The following DNMT3A variants were observed in gnomAD, a reference collection of about 807,000 sequenced individuals.
DNMT3A encodes DNA (cytosine-5)-methyltransferase 3A.
DNMT3A carries 267 observed loss-of-function variants against 117.6 expected under a neutral mutation model. The observed-to-expected ratio is 2.27, with a 90% CI of 2.05 to 2.51. DNMT3A has a LOEUF of 2.51. Ranked by LOEUF, DNMT3A falls within the 30% of genes most tolerant of loss-of-function variation. DNMT3A has a pLI of 0.00. For synonymous variants in DNMT3A, 432 were observed against 474.8 expected, an observed-to-expected ratio of 0.91 and a Z score of 1.17; for missense variants, 1,029 against 1,260.2, an observed-to-expected ratio of 0.82 and a Z score of 2.78.
intron 20 of DNMT3A, among the ~76,000 whole-genome samples, chr2:25,238,719 G>A (rs1050962440): frequency 1.3e-5 from 2 of 152,162 alleles, no homozygotes; most frequent in Non-Finnish European, 2.9e-5. Flanking sequence ...TGCAGCCGCT[G>A]CAAGATTCCC....
At chr2:25,313,360 G>C (rs949465503) in intron 2 of DNMT3A, among the ~76,000 whole-genome samples, 25 of 142,898 alleles carry the variant, frequency 1.7e-4, no homozygotes, top group African/African-American at 6.0e-4. Flanking sequence ...AGTCTGGGGT[G>C]GGGGGCGGGG....
intron 6 of DNMT3A, among the ~76,000 whole-genome samples, chr2:25,255,011 C>T (rs1421675252): frequency 6.6e-6 from 1 of 152,226 alleles, no homozygotes; most frequent in Non-Finnish European, 1.5e-5. Context: ...ACCTCTTCCA[C>T]ACAACTTCCC....
rs1027687458 is a variant in DNMT3A at position 25,304,084 on chromosome 2, G to A, written c.73-3841C>T. Among the ~76,000 whole-genome samples the A allele has an allele frequency of 3.3e-5, 5 of 152,160 alleles. No homozygotes were observed. Among genetic ancestry groups the A allele is most frequent in the African/African-American group, 7.2e-5 (3 of 41,432 alleles). On this transcript the variant is annotated intron_variant, in intron 2 of 22. Transcript: ENST00000321117. The surrounding 1 kb of genome is among the most constrained non-coding windows in gnomAD (Gnocchi z 4.3). The stretch of plus-strand genomic sequence containing the variant: ...GCTGAAGAACAGTAACACAGTTCGC[G>A]GGAACAGATTTGAGCCCAGGTTGGT...
chr2:25,246,511 G>C lies in DNMT3A; in HGVS notation c.1279+109C>G, dbSNP rs1208377061. 3 of 1,492,654 alleles carry C rather than the reference G, an allele frequency of 2.0e-6. No individual in the cohort carries two copies. The Admixed American group carries it at 6.8e-5, about 34-fold the overall frequency. The allele number at this position is 1,492,654 out of a possible 1,614,324, so 92.5% of individuals were successfully genotyped here. A position where few individuals can be genotyped will look rare whatever the true frequency, so the allele number is the denominator to read the frequency against. ...AGAGAGACCCCGGCTGTTCCCACTG[G>C]GCCCCTCTGTGGAGGCCTTGGCAGC... On this transcript the variant is annotated intron_variant, in intron 10 of 22. Coordinates refer to ENST00000321117, the MANE Select transcript of DNMT3A (RefSeq NM_022552.5).
chr2:25,247,839 TG>T lies in DNMT3A; in HGVS notation c.856-91del. On this transcript the variant is annotated intron_variant, in intron 7 of 22. Transcript: ENST00000321117. This position sits in a 1 kb window ranked among gnomAD's most constrained non-coding sequence, Gnocchi z 5.6. ...CATGGCAACCCCAGCCCTGGGCATCTGGGGGGCAGGACAGCCAGGAGGGAGC... is the reference window on the plus strand; with the variant it reads ...CATGGCAACCCCAGCCCTGGGCATCTGGGGGCAGGACAGCCAGGAGGGAGC... 2 of 1,562,572 alleles carry T rather than the reference TG, an allele frequency of 1.3e-6. No homozygotes were observed. Among genetic ancestry groups the T allele is most frequent in the East Asian group, 2.3e-5 (1 of 42,962 alleles).
intron 1 of DNMT3A, among the ~76,000 whole-genome samples, chr2:25,319,467 A>G (rs2034511182): frequency 6.6e-6 from 1 of 152,192 alleles, no homozygotes; most frequent in Non-Finnish European, 1.5e-5. Context: ...AGACATCTTC[A>G]GACATATGAG....
At chr2:25,321,212 G>C (rs2034585360) in intron 1 of DNMT3A, among the ~76,000 whole-genome samples, 1 of 151,784 alleles carries the variant, frequency 6.6e-6, no homozygotes, top group Non-Finnish European at 1.5e-5. Context: ...CTAAACTCAA[G>C]ATGTTGGCAG....
At chr2:25,265,265 G>A (rs973993601) in intron 6 of DNMT3A, among the ~76,000 whole-genome samples, 9 of 152,228 alleles carry the variant, frequency 5.9e-5, no homozygotes, top group South Asian at 2.1e-4. Flanking sequence ...GGCCGGGGGC[G>A]GGAAGAGCAT....
At chr2:25,250,854 T>C (rs534657541) in intron 6 of DNMT3A, among the ~76,000 whole-genome samples, 1 of 152,330 alleles carries the variant, frequency 6.6e-6, no homozygotes, top group African/African-American at 2.4e-5. Context: ...TATCAGTTCC[T>C]GGCAGCGGCA....
intron 1 of DNMT3A, among the ~76,000 whole-genome samples, chr2:25,333,352 C>T (rs566808373): frequency 5.3e-5 from 8 of 150,270 alleles, no homozygotes; most frequent in African/African-American, 1.5e-4. Flanking sequence ...TCTTTTGAGA[C>T]GAAGTCTCAC....
chr2:25,242,262 C>T (rs1457257216), intron 16 of DNMT3A, among the ~76,000 whole-genome samples: 1 of 152,114 alleles, frequency 6.6e-6, no homozygotes, highest in Non-Finnish European at 1.5e-5. Flanking sequence ...ATTGCAAAGG[C>T]TCTTCCAGAC....
intron 3 of DNMT3A, among the ~76,000 whole-genome samples, chr2:25,297,397 G>A (rs2033153471): frequency 6.6e-6 from 1 of 152,190 alleles, no homozygotes; most frequent in African/African-American, 2.4e-5. Context: ...CCGCCTCCCA[G>A]GGCTGCTGAG....
chr2:25,277,453 C>T (rs1427069008), intron 4 of DNMT3A, among the ~76,000 whole-genome samples: 6 of 152,092 alleles, frequency 3.9e-5, no homozygotes, highest in African/African-American at 1.2e-4. Context: ...CTGGCGGTCC[C>T]GGCGGACCCT....
chr2:25,330,927 C>G (rs78444639), intron 1 of DNMT3A, among the ~76,000 whole-genome samples: 2 of 152,110 alleles, frequency 1.3e-5, no homozygotes, highest in Non-Finnish European at 2.9e-5. Flanking sequence ...TAGAACATGA[C>G]GAATGGACCT....
rs773893946 is a variant in DNMT3A at position 25,313,969 on chromosome 2, A to C, written c.16T>G (p.Ser6Ala). ...CTGCTGGTGTCCCCGGGGCCGCTGG[A>C]GGGCATGGCGGGCATCTGGGCGCCG... is the stretch of plus-strand genomic sequence containing the variant. MPAMP[S>A]SGPGDTSSSA... is the part of the protein sequence containing the mutation. The change falls in exon 2 of 23, where the codon TCC becomes GCC. Residue 6 changes from serine to alanine, a missense_variant. Ser to Ala is a moderately conservative substitution (Grantham distance 99). Transcript: ENST00000321117. 33 of 1,547,688 alleles carry C rather than the reference A, an allele frequency of 2.1e-5. No homozygotes were observed. The Admixed American group carries it at 6.3e-4, about 30-fold the overall frequency.
chr2:25,235,724 C>A lies in DNMT3A; in HGVS notation c.2580G>T (p.Trp860Cys), dbSNP rs376830288. ...CCGGGTACCTTTCCATTTCAGTGCA[C>A]CATAAGATGTCCTCTTTCTCATTCA... Reference protein sequence around the residue: ...VFMNEKEDILWCTEMERVFGF... With the variant: ...VFMNEKEDILCCTEMERVFGF... Residue 860 changes from tryptophan (W) to cysteine (C), a missense_variant, in exon 22 of 23, where the codon TGG becomes TGT. Coordinates refer to ENST00000321117, the MANE Select transcript of DNMT3A (RefSeq NM_022552.5). The A allele has an allele frequency of 6.2e-7, 1 of 1,614,034 alleles. No individual in the cohort carries two copies. The highest frequency in any genetic ancestry group is 8.5e-7 in the Non-Finnish European group (1 of 1,179,922).
chr2:25,230,104 C>T lies in DNMT3A; in HGVS notation c.*4175G>A, dbSNP rs976283232. ...GGCCTGTTTCAAAAGCTAACAGGTC[C>T]CGGGTGCTCTCTTGGAAAGTTTGCT... On this transcript the variant is annotated 3_prime_UTR_variant, in exon 23 of 23. Transcript: ENST00000321117. 1.3e-5 allele frequency: 2 copies of T among 152,214 alleles called. No individual in the cohort carries two copies. The highest frequency in any genetic ancestry group is 2.9e-5 in the Non-Finnish European group (2 of 68,052). The allele number at this position is 152,214 out of a possible 1,614,324, so 9.4% of individuals were successfully genotyped here.
chr2:25,259,379 G>A (rs752822410), intron 6 of DNMT3A, among the ~76,000 whole-genome samples: 3 of 152,214 alleles, frequency 2.0e-5, no homozygotes, highest in Non-Finnish European at 4.4e-5. Context: ...CAACTGGGAG[G>A]GGATGCCAGG....
intron 1 of DNMT3A, among the ~76,000 whole-genome samples, chr2:25,333,504 T>C (rs13426577): frequency 0.045 from 6,793 of 152,094 alleles, 504 homozygotes; most frequent in African/African-American, 0.15. Flanking sequence ...TAAATTTTTG[T>C]ATTTTTAGTA....
Sources: gnomAD v4.1 joint callset for allele counts (sites outside exome capture counted in the v4.1 genomes callset) on GRCh38, gnomAD v4.1.1 for gene constraint, Gnocchi (gnomAD v3.1) non-coding constraint, MANE v1.5 for transcripts, NCBI Gene and HGNC (gene_info 2026-07-23, HGNC 2026-07-21) for gene names.